The following SIRPA variants were observed in gnomAD, a reference collection of about 807,000 sequenced individuals.
SIRPA encodes signal regulatory protein alpha.
A neutral mutation model predicts 50.3 loss-of-function variants in SIRPA; 9 were observed. That is an observed-to-expected ratio of 0.18 (90% CI 0.11 to 0.31). The LOEUF (loss-of-function observed/expected upper bound fraction) is 0.31, where lower values mean the gene tolerates loss of function less well. Ranked by LOEUF, SIRPA falls within the 10% of genes least tolerant of loss-of-function variation. The pLI, the probability that SIRPA is intolerant of heterozygous loss-of-function variation, is 1.00. For synonymous variants in SIRPA, 265 were observed against 284.1 expected (o/e 0.93, Z 0.68); for missense variants, 474 against 661.6 (o/e 0.72, Z 3.11).
In SIRPA at chr20:1,928,305, C is replaced by T. The variant is rs1986110909; in HGVS notation, c.1226+406C>T. ...ATTGAGTACCTTGGCGTGCTGTGACCCTGGAATGCCGGGATGAGTAGGATA... is the reference window on the plus strand; with the variant it reads ...ATTGAGTACCTTGGCGTGCTGTGACTCTGGAATGCCGGGATGAGTAGGATA... On this transcript the variant is annotated intron_variant, in intron 6 of 7. Transcript: ENST00000358771. This position sits in a 1 kb window ranked among gnomAD's most constrained non-coding sequence, Gnocchi z 4.9. 6.6e-6 allele frequency among the ~76,000 whole-genome samples: 1 copy of T among 152,128 alleles called. No individual in the cohort carries two copies. The highest frequency in any genetic ancestry group is 1.5e-5 in the Non-Finnish European group (1 of 68,042).
In SIRPA at chr20:1,940,271, C is replaced by G. The variant is rs1986796967; in HGVS notation, c.*2703C>G. ...TTCAAGGAGGTTGGAAGCACTGAGC[C>G]CACGCTTGGCACTGGGTAGGCCATC... On this transcript the variant is annotated 3_prime_UTR_variant, in exon 8 of 8. Transcript: ENST00000358771. The G allele has an allele frequency of 6.6e-6, 1 of 152,220 alleles. No homozygotes were observed. Among genetic ancestry groups the G allele is most frequent in the Admixed American group, 6.5e-5 (1 of 15,282 alleles). 9.4% of individuals were successfully genotyped at this position (152,220 alleles called of 1,614,324 possible).
At chr20:1,910,927 TC>T (rs1378574622) in intron 1 of SIRPA, among the ~76,000 whole-genome samples, 1 of 152,238 alleles carries the variant, frequency 6.6e-6, no homozygotes, top group Non-Finnish European at 1.5e-5. Flanking sequence ...TCTTTTTTTT[TC>T]TTACAAAAGA....
At position 1,937,591 on chromosome 20, in the gene SIRPA, C is replaced by T. The variant is rs542804191; in HGVS notation, c.*23C>T. ...TGAATGGGACCGTGGTTTGCTCTAG[C>T]ACCCATCTCTACGCGCTTTCTTGTC... On this transcript the variant is annotated 3_prime_UTR_variant, in exon 8 of 8. Transcript: ENST00000358771. This position sits in a 1 kb window ranked among gnomAD's most constrained non-coding sequence, Gnocchi z 8.3. The T allele has an allele frequency of 1.9e-6, 3 of 1,610,324 alleles. No homozygotes were observed. The highest frequency in any genetic ancestry group is 1.1e-5 in the South Asian group (1 of 90,922).
intron 4 of SIRPA, 54 bp downstream of exon 4, chr20:1,922,699 T>C (rs1235330164): frequency 1.3e-6 from 2 of 1,517,518 alleles, no homozygotes; most frequent in East Asian, 2.4e-5. Flanking sequence ...GTTTTGTGGG[T>C]TTTTTAAATG....
At chr20:1,910,718 C>G (rs572032120) in intron 1 of SIRPA, among the ~76,000 whole-genome samples, 1 of 152,238 alleles carries the variant, frequency 6.6e-6, no homozygotes, top group South Asian at 2.1e-4. Context: ...TATAAATATT[C>G]TTTTGTGTTC....
intron 4 of SIRPA, among the ~76,000 whole-genome samples, 195 bp downstream of exon 4, chr20:1,922,840 C>T (rs1985750520): frequency 6.6e-6 from 1 of 152,202 alleles, no homozygotes; most frequent in African/African-American, 2.4e-5. Flanking sequence ...GTTTGATGCA[C>T]ATCTTGATAG....
intron 1 of SIRPA, among the ~76,000 whole-genome samples, chr20:1,914,235 T>C (rs72620869): frequency 0.41 from 61,854 of 151,748 alleles, 12,850 homozygotes; most frequent in East Asian, 0.66. Context: ...CTACCCATCC[T>C]GTAGATAAGA....
At chr20:1,911,788 C>T (rs756311292) in intron 1 of SIRPA, among the ~76,000 whole-genome samples, 5 of 152,222 alleles carry the variant, frequency 3.3e-5, no homozygotes, top group South Asian at 2.1e-4. Flanking sequence ...CTCCCTGAGA[C>T]GGTTCAGGCC....
At position 1,937,738 on chromosome 20, in the gene SIRPA, C is replaced by A; in HGVS notation, c.*170C>A. ...TCCCCACCCCTCCTTGGCTCTCCAG[C>A]ACTTCCTGGGCAGCCACGGCCCCCT... On this transcript the variant is annotated 3_prime_UTR_variant, in exon 8 of 8. Coordinates refer to ENST00000358771, the MANE Select transcript of SIRPA (RefSeq NM_001040023.2). This position sits in a 1 kb window ranked among gnomAD's most constrained non-coding sequence, Gnocchi z 8.3. 1 of 814,064 alleles carries A rather than the reference C, an allele frequency of 1.2e-6. No individual in the cohort carries two copies. The highest frequency in any genetic ancestry group is 1.9e-6 in the Non-Finnish European group (1 of 533,360). The allele number at this position is 814,064 out of a possible 1,614,324, so 50.4% of individuals were successfully genotyped here.
Position 1,938,706 on chromosome 20 carries a change from C to A in SIRPA, c.*1138C>A, listed in dbSNP as rs1232155431. On this transcript the variant is annotated 3_prime_UTR_variant, in exon 8 of 8. Coordinates refer to ENST00000358771, the MANE Select transcript of SIRPA (RefSeq NM_001040023.2). ...GGCTGGTAGTGCAGCCTTCTGTGACCCCGCTGTGGTAAGTCCAGCCTGCCC... is the reference window on the plus strand; with the variant it reads ...GGCTGGTAGTGCAGCCTTCTGTGACACCGCTGTGGTAAGTCCAGCCTGCCC... The A allele has an allele frequency of 2.6e-5, 4 of 152,560 alleles. No individual in the cohort carries two copies. Among genetic ancestry groups the A allele is most frequent in the Admixed American group, 1.3e-4 (2 of 15,286 alleles). 9.5% of individuals were successfully genotyped at this position (152,560 alleles called of 1,614,324 possible).
intron 2 of SIRPA, among the ~76,000 whole-genome samples, chr20:1,918,532 T>A (rs535471645): frequency 6.6e-6 from 1 of 152,104 alleles, no homozygotes; most frequent in East Asian, 1.9e-4. Flanking sequence ...TATTTTAAGA[T>A]GTGTTACCTT....
chr20:1,922,499 G>A lies in SIRPA; in HGVS notation c.941G>A (p.Ser314Asn). Reference protein sequence around the residue: ...ENKDGTYNWMSWLLVNVSAHR... With the variant: ...ENKDGTYNWMNWLLVNVSAHR... ...AAGGATGGTACCTACAACTGGATGA[G>A]CTGGCTCCTGGTGAATGTATCTGCC... is the stretch of plus-strand genomic sequence containing the variant. Residue 314 changes from serine (S) to asparagine (N), a missense_variant, in exon 4 of 8, where the codon AGC becomes AAC. Ser to Asn is a conservative substitution (Grantham distance 46, BLOSUM62 1). Coordinates refer to ENST00000358771, the MANE Select transcript of SIRPA (RefSeq NM_001040023.2). The A allele has an allele frequency of 6.2e-7, 1 of 1,614,208 alleles. No homozygotes were observed. The highest frequency in any genetic ancestry group is 8.5e-7 in the Non-Finnish European group (1 of 1,180,036).
chr20:1,899,915 T>G (rs921561363), intron 1 of SIRPA, among the ~76,000 whole-genome samples: 6 of 152,240 alleles, frequency 3.9e-5, no homozygotes, highest in Admixed American at 1.3e-4. Flanking sequence ...ACTCAATACA[T>G]ATTAACCAGT....
At chr20:1,897,757 A>G (rs370035461) in intron 1 of SIRPA, among the ~76,000 whole-genome samples, 32 of 151,310 alleles carry the variant, frequency 2.1e-4, no homozygotes, top group Middle Eastern at 3.4e-3. Context: ...GGGGCCAATC[A>G]TGTGAATTAT....
chr20:1,928,030 T>G lies in SIRPA; in HGVS notation c.1226+131T>G. ...TGGTCAACATGTCTCTTTCTCTCCT[T>G]TGTAACCTCCTCACACTGGGTCACG... is the stretch of plus-strand genomic sequence containing the variant. On this transcript the variant is annotated intron_variant, in intron 6 of 7. Coordinates refer to ENST00000358771, the MANE Select transcript of SIRPA (RefSeq NM_001040023.2). The surrounding 1 kb of genome is among the most constrained non-coding windows in gnomAD (Gnocchi z 4.9). The G allele has an allele frequency of 1.2e-6, 1 of 819,602 alleles. No homozygotes were observed. The highest frequency in any genetic ancestry group is 1.4e-5 in the South Asian group (1 of 72,160). The allele number at this position is 819,602 out of a possible 1,614,324, so 50.8% of individuals were successfully genotyped here. A position where few individuals can be genotyped will look rare whatever the true frequency, so the allele number is the denominator to read the frequency against.
rs963829746 is a variant in SIRPA, at chr20:1,898,829, C to T, written c.79+3303C>T. 6.6e-6 allele frequency among the ~76,000 whole-genome samples: 1 copy of T among 152,052 alleles called. No homozygotes were observed. On this transcript the variant is annotated intron_variant, in intron 1 of 7. Coordinates refer to ENST00000358771, the MANE Select transcript of SIRPA (RefSeq NM_001040023.2). This position sits in a 1 kb window ranked among gnomAD's most constrained non-coding sequence, Gnocchi z 4.3. ...CTGAGGGTGGAAATACTGACAGCCC[C>T]TTGGTCCTCACCAGTAACAACACAT...
At chr20:1,916,471 A>G (rs1281556233) in intron 2 of SIRPA, among the ~76,000 whole-genome samples, 2 of 152,204 alleles carry the variant, frequency 1.3e-5, no homozygotes, top group African/African-American at 2.4e-5. Context: ...CTGGTGCATC[A>G]TAGGTGCCGA....
At chr20:1,916,102 C>G (rs1263063813) in intron 2 of SIRPA, among the ~76,000 whole-genome samples, 1 of 152,220 alleles carries the variant, frequency 6.6e-6, no homozygotes, top group Non-Finnish European at 1.5e-5. Context: ...GGGACTGATT[C>G]ATGCGTCACT....
At position 1,924,321 on chromosome 20, in the gene SIRPA, TG is replaced by T. The variant is rs748869723; in HGVS notation, c.1088-440del. On this transcript the variant is annotated intron_variant, in intron 4 of 7. Transcript: ENST00000358771. This position sits in a 1 kb window ranked among gnomAD's most constrained non-coding sequence, Gnocchi z 4.5. ...AGCCCAGTGTGCATGGCCCAGGTGC[TG>T]GGCACAGACCGGTCGTCAGCCCCTG... 2.3e-4 allele frequency among the ~76,000 whole-genome samples: 35 copies of T among 152,296 alleles called. No individual in the cohort carries two copies. The highest frequency in any genetic ancestry group is 3.4e-3 in the Middle Eastern group (1 of 294).
Sources: allele counts gnomAD v4.1 joint callset (sites outside exome capture counted in the v4.1 genomes callset), GRCh38; gene constraint gnomAD v4.1.1; non-coding constraint Gnocchi (gnomAD v3.1); transcripts MANE v1.5; gene names NCBI Gene and HGNC (gene_info 2026-07-23, HGNC 2026-07-21).